The following FER variants were observed in gnomAD, a reference collection of about 807,000 sequenced individuals.
FER encodes FER tyrosine kinase.
FER carries 63 observed loss-of-function variants against 111.0 expected under a neutral mutation model. The ratio of observed to expected loss-of-function variants is 0.57; its 90% CI spans 0.46 to 0.70. The LOEUF (loss-of-function observed/expected upper bound fraction) is 0.70, where lower values mean the gene tolerates loss of function less well. Among genes scored for constraint, FER ranks in the 30% least tolerant of loss-of-function variants. The pLI, the probability that FER is intolerant of heterozygous loss-of-function variation, is 0.00. For missense variants in FER, 914 were observed against 954.0 expected, an observed-to-expected ratio of 0.96 and a Z score of 0.55; for synonymous variants, 327 against 313.9, an observed-to-expected ratio of 1.04 and a Z score of -0.44.
intron 9 of FER, among the ~76,000 whole-genome samples, chr5:108,887,305 T>A (rs1453849882): frequency 6.6e-6 from 1 of 151,678 alleles, no homozygotes; most frequent in Non-Finnish European, 1.5e-5. Flanking sequence ...ATTTAATATA[T>A]CCATGTCTCT....
At chr5:109,099,744 T>C (rs755957335) in intron 16 of FER, among the ~76,000 whole-genome samples, 95 of 151,746 alleles carry the variant, frequency 6.3e-4, no homozygotes, top group Non-Finnish European at 1.0e-3. Context: ...AAATTACTAC[T>C]TAGCTCATGT....
At chr5:108,888,171 T>G (rs997649556) in intron 9 of FER, among the ~76,000 whole-genome samples, 15 of 151,896 alleles carry the variant, frequency 9.9e-5, no homozygotes, top group Admixed American at 7.9e-4. Flanking sequence ...GTTCTAGTTT[T>G]GAAATTCAGG....
chr5:108,857,152 A>G (rs1321720365), intron 5 of FER, among the ~76,000 whole-genome samples: 3 of 152,094 alleles, frequency 2.0e-5, no homozygotes, highest in Non-Finnish European at 4.4e-5. Flanking sequence ...GTGCATACAT[A>G]TATATGCATG....
chr5:109,048,612 C>A (rs1184041609), intron 16 of FER, among the ~76,000 whole-genome samples: 4 of 152,024 alleles, frequency 2.6e-5, no homozygotes, highest in African/African-American at 4.8e-5. Context: ...GACTAGTAAC[C>A]TGTTTATATT....
chr5:108,903,571 G>A (rs1392978618), intron 10 of FER, among the ~76,000 whole-genome samples: 1 of 152,142 alleles, frequency 6.6e-6, no homozygotes, highest in Non-Finnish European at 1.5e-5. Flanking sequence ...TTCCGTAGAG[G>A]GAGGAAATGA....
chr5:109,056,406 C>G (rs1334545941), intron 16 of FER, among the ~76,000 whole-genome samples: 1 of 152,112 alleles, frequency 6.6e-6, no homozygotes, highest in Non-Finnish European at 1.5e-5. Flanking sequence ...GGAGCAAGAT[C>G]TGACCATTTG....
chr5:109,150,327 C>T (rs1754689177), intron 17 of FER, among the ~76,000 whole-genome samples: 1 of 152,096 alleles, frequency 6.6e-6, no homozygotes, highest in Admixed American at 6.6e-5. Context: ...CAACTTTAAA[C>T]ATACTTTCAC....
At chr5:109,073,325 C>G (rs1166436574) in intron 16 of FER, among the ~76,000 whole-genome samples, 1 of 152,144 alleles carries the variant, frequency 6.6e-6, no homozygotes, top group Non-Finnish European at 1.5e-5. Flanking sequence ...CAGCTTTCAA[C>G]AAGACTCAAA....
At chr5:108,804,419 G>A (rs957541878) in intron 3 of FER, among the ~76,000 whole-genome samples, 6 of 152,264 alleles carry the variant, frequency 3.9e-5, no homozygotes, top group Non-Finnish European at 8.8e-5. Context: ...CAGTTCTCAA[G>A]GGGAATAGCT....
chr5:108,991,585 G>T, intron 13 of FER, among the ~76,000 whole-genome samples: 1 of 151,992 alleles, frequency 6.6e-6, no homozygotes, highest in South Asian at 2.1e-4. Context: ...TATCACATTT[G>T]TGCAGAATTT....
chr5:108,833,700 C>T (rs1191430160), intron 4 of FER, among the ~76,000 whole-genome samples: 6 of 151,994 alleles, frequency 3.9e-5, no homozygotes, highest in Non-Finnish European at 7.4e-5. Flanking sequence ...GGGTGAAACC[C>T]CGTCTCTACT....
intron 10 of FER, among the ~76,000 whole-genome samples, chr5:108,942,154 G>A (rs1168214148): frequency 2.0e-5 from 3 of 152,130 alleles, no homozygotes; most frequent in South Asian, 2.1e-4. Context: ...ACCATGGAAC[G>A]TGAACTGGCT....
At chr5:108,786,089 AC>A (rs1295184897) in intron 2 of FER, among the ~76,000 whole-genome samples, 4 of 152,130 alleles carry the variant, frequency 2.6e-5, no homozygotes, top group Non-Finnish European at 5.9e-5. Context: ...ACTCAGCAAC[AC>A]CCTGAGTTTG....
chr5:108,790,924 T>G (rs993447024), intron 2 of FER, among the ~76,000 whole-genome samples: 3 of 152,234 alleles, frequency 2.0e-5, no homozygotes, highest in Non-Finnish European at 2.9e-5. Context: ...GTCTGGTTTC[T>G]TTGACCTAGT....
chr5:108,871,353 T>A lies in FER; in HGVS notation c.666-12T>A. 1 of 1,598,992 alleles carries A rather than the reference T, an allele frequency of 6.3e-7. No individual in the cohort carries two copies. The highest frequency in any genetic ancestry group is 2.2e-5 in the East Asian group (1 of 44,528). On this transcript the variant is annotated splice_polypyrimidine_tract_variant and intron_variant, in intron 6 of 19. Transcript: ENST00000281092. ...ACTTTAAAATGCTGCAAAATTTTAT[T>A]TTTGTTTTCAGCAAAGGTATATTTG...
chr5:108,986,958 T>C (rs900184935), intron 13 of FER, among the ~76,000 whole-genome samples: 3 of 137,394 alleles, frequency 2.2e-5, no homozygotes, highest in African/African-American at 9.9e-5. Flanking sequence ...AGTTTTAGGA[T>C]TTTTTTTTTC....
chr5:109,068,607 G>A (rs1253972927), intron 16 of FER, among the ~76,000 whole-genome samples: 1 of 152,204 alleles, frequency 6.6e-6, no homozygotes, highest in Non-Finnish European at 1.5e-5. Context: ...CATGACCACT[G>A]TGGCTTTGGA....
intron 17 of FER, among the ~76,000 whole-genome samples, chr5:109,113,078 AAAGAT>A (rs146919816): frequency 1.3e-3 from 202 of 152,294 alleles, no homozygotes; most frequent in African/African-American, 4.7e-3. Flanking sequence ...GGTTTTGAGA[AAAGAT>A]AAGAATAGGC....
intron 17 of FER, among the ~76,000 whole-genome samples, chr5:109,123,496 T>A (rs555970178): frequency 6.6e-6 from 1 of 152,128 alleles, no homozygotes; most frequent in African/African-American, 2.4e-5. Context: ...GTGACTTTTT[T>A]CTGGTGCTAT....
Sources: gnomAD v4.1 joint callset for allele counts (sites outside exome capture counted in the v4.1 genomes callset) on GRCh38, gnomAD v4.1.1 for gene constraint, MANE v1.5 for transcripts, NCBI Gene and HGNC (gene_info 2026-07-23, HGNC 2026-07-21) for gene names.